Variants in ST7L observed in about 807,000 individuals in gnomAD.
The protein encoded by ST7L is suppressor of tumorigenicity 7 protein-like.
In ST7L, 57 loss-of-function variants were observed where a neutral mutation model predicts 72.5. The ratio of observed to expected loss-of-function variants is 0.79; its 90% CI spans 0.64 to 0.98. ST7L has a LOEUF of 0.98. Ranked by LOEUF, ST7L falls within the 50% of genes least tolerant of loss-of-function variation. The pLI, the probability that ST7L is intolerant of heterozygous loss-of-function variation, is 0.00. For missense variants in ST7L, 576 were observed against 672.2 expected (o/e 0.86, Z 1.58); for synonymous variants, 221 against 240.9 (o/e 0.92, Z 0.77).
At chr1:112,555,174 T>C (rs1570986726) in intron 12 of ST7L, among the ~76,000 whole-genome samples, 2 of 152,224 alleles carry the variant, frequency 1.3e-5, no homozygotes, top group South Asian at 4.1e-4. Context: ...TTGATATTAG[T>C]TATGAAGAAA....
rs375211395 is a variant in ST7L, at chr1:112,619,076, A to G, written c.38T>C (p.Val13Ala). 1.9e-6 allele frequency: 3 copies of G among 1,613,588 alleles called. No homozygotes were observed. The highest frequency in any genetic ancestry group is 2.5e-6 in the Non-Finnish European group (3 of 1,179,966). ...AGGGACAGATGCAGGAGACGCTCCAACAGCTGCGGCTTCACCCACGCCGCC... is the reference window on the plus strand; with the variant it reads ...AGGGACAGATGCAGGAGACGCTCCAGCAGCTGCGGCTTCACCCACGCCGCC... ...DRGGVGEAAA[V>A]GASPASVPGL... The change falls in exon 1 of 15, where the codon GTT becomes GCT. Residue 13 changes from valine (V) to alanine (A), a missense_variant. Physicochemically the swap from Val to Ala is moderately conservative, Grantham distance 64. Coordinates refer to ENST00000358039, the MANE Select transcript of ST7L (RefSeq NM_017744.5).
chr1:112,589,019 C>T (rs577125063), intron 6 of ST7L, among the ~76,000 whole-genome samples: 1 of 152,224 alleles, frequency 6.6e-6, no homozygotes, highest in South Asian at 2.1e-4. Context: ...CTCAAATCTG[C>T]TTGCTGCTGA....
rs116680946 is a variant in ST7L at position 112,540,737 on chromosome 1, T to C, written c.1629+1214A>G. 41 of 1,239,176 alleles carry C rather than the reference T, an allele frequency of 3.3e-5. No individual in the cohort carries two copies. In the African/African-American group the frequency reaches 6.0e-4, roughly 18 times the overall value. The allele number at this position is 1,239,176 out of a possible 1,614,324, so 76.8% of individuals were successfully genotyped here. A position where few individuals can be genotyped will look rare whatever the true frequency, so the allele number is the denominator to read the frequency against. ...AAAAAGAAACTGTGAGGAAACAAGT[T>C]AGAATGGAGGCATATAGAGAAAAAT... On this transcript the variant is annotated intron_variant, in intron 14 of 14. Coordinates refer to ENST00000358039, the MANE Select transcript of ST7L (RefSeq NM_017744.5).
chr1:112,605,144 C>T (rs1381950021), intron 3 of ST7L, among the ~76,000 whole-genome samples: 1 of 149,850 alleles, frequency 6.7e-6, no homozygotes, highest in Non-Finnish European at 1.5e-5. Flanking sequence ...ATAATCCCAG[C>T]ACTTTGGGAG....
At chr1:112,522,367 C>T (rs1652928799), downstream of ST7L, 1 of 152,262 alleles carries the variant, frequency 6.6e-6, no homozygotes, top group African/African-American at 2.4e-5. Context: ...CAAACTCCAG[C>T]CCGCAGATCC....
intron 2 of ST7L, among the ~76,000 whole-genome samples, chr1:112,615,317 T>A (rs1669705927): frequency 6.6e-6 from 1 of 152,196 alleles, no homozygotes; most frequent in South Asian, 2.1e-4. Context: ...ATTCTCAGAA[T>A]AATGGCCAAA....
In ST7L at chr1:112,578,405, G is replaced by T. The variant is rs1426772137; in HGVS notation, c.1082C>A (p.Pro361Gln). 1 of 1,614,074 alleles carries T rather than the reference G, an allele frequency of 6.2e-7. No homozygotes were observed. The change falls in exon 10 of 15, where the codon CCA becomes CAA. Residue 361 changes from proline to glutamine, a missense_variant. Pro to Gln is a moderately conservative substitution (Grantham distance 76). Transcript: ENST00000358039. ...VLAKYDDISLPKSAAICYTAA... is the reference protein window; with the variant it reads ...VLAKYDDISLQKSAAICYTAA... ...TGTGTAACAGATTGCTGCTGACTTT[G>T]GAAGGCTTATATCTGTAACGATAAT...
intron 2 of ST7L, among the ~76,000 whole-genome samples, chr1:112,614,169 T>G (rs993685737): frequency 6.6e-6 from 1 of 152,186 alleles, no homozygotes; most frequent in African/African-American, 2.4e-5. Flanking sequence ...AGATTCAAAA[T>G]TTTATCTTCT....
downstream of ST7L, chr1:112,520,495 C>T (rs1403862456): frequency 6.2e-7 from 1 of 1,614,062 alleles, no homozygotes; most frequent in East Asian, 2.2e-5. Flanking sequence ...GGCAGAGTGG[C>T]TGGACCAAAC....
Position 112,584,092 on chromosome 1 carries a change from C to T in ST7L, c.736G>A (p.Glu246Lys), listed in dbSNP as rs372322883. Residue 246 changes from glutamate to lysine, a missense_variant, in exon 7 of 15, where the codon GAA becomes AAA. By Grantham distance (56) the Glu-to-Lys change is moderately conservative. Around this residue, in one of 3 missense-constraint regions of ST7L, gnomAD observed 511 missense variants for 600.7 expected, o/e 0.85. Transcript: ENST00000358039. ...TCAGCATCTACAATAGTTGTTGCTT[C>T]TTCCTCAGCCAGTAGAACATATGCA... is the stretch of plus-strand genomic sequence containing the variant. ...ATAYVLLAEE[E>K]ATTIVDAERL... 11 of 1,614,006 alleles carry T rather than the reference C, an allele frequency of 6.8e-6. No individual in the cohort carries two copies. The highest frequency in any genetic ancestry group is 8.5e-6 in the Non-Finnish European group (10 of 1,179,992).
chr1:112,570,631 A>C (rs1661949031), intron 11 of ST7L: 1 of 381,544 alleles, frequency 2.6e-6, no homozygotes, highest in Non-Finnish European at 5.1e-6. Context: ...ATTGTGACTC[A>C]CAATTGAAGT....
intron 14 of ST7L, 147 bp from the exon 15 acceptor site, chr1:112,526,258 CTA>C: frequency 1.0e-6 from 1 of 1,000,752 alleles, no homozygotes; most frequent in Non-Finnish European, 1.5e-6. Context: ...ATTTCTGCCA[CTA>C]TTACCACCAG....
intron 12 of ST7L, among the ~76,000 whole-genome samples, chr1:112,554,319 T>A (rs1658736255): frequency 6.6e-6 from 1 of 152,132 alleles, no homozygotes; most frequent in Non-Finnish European, 1.5e-5. Context: ...CAATTTATTC[T>A]CCAAAGAAGA....
chr1:112,568,861 A>AATATAAATATATATATATATAT (rs61349207), intron 11 of ST7L, among the ~76,000 whole-genome samples: 11 of 114,872 alleles, frequency 9.6e-5, no homozygotes, highest in African/African-American at 3.5e-4. Flanking sequence ...TATAAATATA[A>AATATAAATATATATATATATAT]ATATATATAT....
intron 6 of ST7L, among the ~76,000 whole-genome samples, chr1:112,590,320 G>A (rs1665502067): frequency 6.6e-6 from 1 of 152,136 alleles, no homozygotes; most frequent in Admixed American, 6.5e-5. Context: ...GATGGGGCCA[G>A]GATAAATAAA....
chr1:112,524,629 T>TC lies in ST7L; in HGVS notation c.*1383dup, dbSNP rs1407528303. 1 of 152,558 alleles carries TC rather than the reference T, an allele frequency of 6.6e-6. No homozygotes were observed. Among genetic ancestry groups the TC allele is most frequent in the Non-Finnish European group, 1.5e-5 (1 of 68,028 alleles). The allele number at this position is 152,558 out of a possible 1,614,324, so 9.5% of individuals were successfully genotyped here. A position where few individuals can be genotyped will look rare whatever the true frequency, so the allele number is the denominator to read the frequency against. ...TTGGTGGAGGCCTCTGCCCCGACCC[T>TC]CCACTTGGGAACTGCCTGCTACTAC... On this transcript the variant is annotated 3_prime_UTR_variant, in exon 15 of 15. Coordinates refer to ENST00000358039, the MANE Select transcript of ST7L (RefSeq NM_017744.5).
intron 4 of ST7L, among the ~76,000 whole-genome samples, chr1:112,600,497 G>T (rs1026401152): frequency 3.9e-5 from 6 of 152,092 alleles, no homozygotes; most frequent in African/African-American, 1.4e-4. Flanking sequence ...TTGGGAGGCT[G>T]AGGCAGGAGA....
In ST7L at chr1:112,600,696, C is replaced by T. The variant is rs1244798136; in HGVS notation, c.506+98G>A. On this transcript the variant is annotated intron_variant, in intron 4 of 14. Transcript: ENST00000358039. The stretch of plus-strand genomic sequence containing the variant: ...CTTTATCATAGACCAGTATCTTCTA[C>T]TAGAAGAGCTGCGATATATTTATAA... The T allele has an allele frequency of 1.5e-5, 15 of 1,008,042 alleles. No homozygotes were observed. The East Asian group carries it at 3.1e-4, about 21-fold the overall frequency. 62.4% of individuals were successfully genotyped at this position (1,008,042 alleles called of 1,614,324 possible). A position where few individuals can be genotyped will look rare whatever the true frequency, so the allele number is the denominator to read the frequency against.
intron 11 of ST7L, among the ~76,000 whole-genome samples, chr1:112,575,891 T>C (rs889317836): frequency 2.6e-5 from 4 of 152,212 alleles, no homozygotes; most frequent in African/African-American, 7.2e-5. Flanking sequence ...CTTAACCATA[T>C]CTTTACTTAC....
Sources: allele counts gnomAD v4.1 joint callset (sites outside exome capture counted in the v4.1 genomes callset), GRCh38; gene constraint gnomAD v4.1.1; regional missense constraint gnomAD v4.1.1; transcripts MANE v1.5; gene names NCBI Gene and HGNC (gene_info 2026-07-23, HGNC 2026-07-21).